The following DOCK1 variants were observed in gnomAD, a reference collection of about 807,000 sequenced individuals.
DOCK1 encodes the protein dedicator of cytokinesis 1, also known as dedicator of cytokinesis protein 1.
Under a neutral mutation model 262.7 loss-of-function variants are expected in DOCK1, and 138 were observed. That is an observed-to-expected ratio of 0.53 (90% confidence interval 0.46 to 0.61). The LOEUF (loss-of-function observed/expected upper bound fraction) is 0.61. DOCK1 is among the 20% of genes least tolerant of loss of function. The pLI is 0.00. For synonymous variants in DOCK1, 866 were observed against 867.4 expected, an observed-to-expected ratio of 1.00 and a Z score of 0.03; for missense variants, 1,908 against 2,370.7, an observed-to-expected ratio of 0.80 and a Z score of 4.05.
At chr10:127,279,690 G>C (rs186583619) in intron 29 of DOCK1, among the ~76,000 whole-genome samples, 59 of 152,200 alleles carry the variant, frequency 3.9e-4, no homozygotes, top group African/African-American at 1.4e-3. Context: ...CAGAACAAAG[G>C]CCCCTCCCAG....
At chr10:127,156,526 TTTTC>T (rs1354379646) in intron 27 of DOCK1, among the ~76,000 whole-genome samples, 1 of 150,254 alleles carries the variant, frequency 6.7e-6, no homozygotes, top group African/African-American at 2.5e-5. Flanking sequence ...TTTACTTTTC[TTTTC>T]TCTTTTTCTT....
chr10:127,429,067 TG>T (rs1287585235), intron 47 of DOCK1, among the ~76,000 whole-genome samples: 1 of 149,430 alleles, frequency 6.7e-6, no homozygotes, highest in Non-Finnish European at 1.5e-5. Flanking sequence ...CTGTGTGGAT[TG>T]GGGTACCATG....
At chr10:127,257,474 T>C (rs2059866282) in intron 29 of DOCK1, 45 bp downstream of exon 29, 2 of 1,527,092 alleles carry the variant, frequency 1.3e-6, no homozygotes, top group Non-Finnish European at 1.8e-6. Flanking sequence ...TGGCTCCCAA[T>C]TCATGTCTGC....
chr10:127,403,248 T>A, intron 39 of DOCK1, 104 bp downstream of exon 39: 1 of 1,177,604 alleles, frequency 8.5e-7, no homozygotes, highest in Non-Finnish European at 1.2e-6. Context: ...CCAGGCACTC[T>A]GGGACCTTGG....
At chr10:126,972,699 C>T (rs1421062301) in intron 2 of DOCK1, among the ~76,000 whole-genome samples, 1 of 152,008 alleles carries the variant, frequency 6.6e-6, no homozygotes, top group Admixed American at 6.6e-5. Flanking sequence ...GTGACCAGCT[C>T]CTGGTAGACT....
At chr10:127,450,670 A>C (rs2070898164) in intron 51 of DOCK1, among the ~76,000 whole-genome samples, 1 of 152,206 alleles carries the variant, frequency 6.6e-6, no homozygotes, top group Admixed American at 6.5e-5. Flanking sequence ...GTCCATCAGC[A>C]AGGGGTTTGC....
chr10:127,031,592 G>A (rs2043242330), intron 16 of DOCK1, 58 bp from the exon 17 acceptor site: 1 of 1,357,622 alleles, frequency 7.4e-7, no homozygotes, highest in Non-Finnish European at 1.0e-6. Flanking sequence ...TTCTTATAAT[G>A]TTATTTTGTC....
chr10:127,228,972 C>T (rs1408691888), intron 27 of DOCK1, among the ~76,000 whole-genome samples: 1 of 152,158 alleles, frequency 6.6e-6, no homozygotes, highest in Non-Finnish European at 1.5e-5. Context: ...GTGGCTCACA[C>T]CTGTAATCCC....
rs902621391 is a variant in DOCK1 at position 127,451,970 on chromosome 10, G to C, written c.*543G>C. 4 of 153,062 alleles carry C rather than the reference G, an allele frequency of 2.6e-5. No individual in the cohort carries two copies. Among genetic ancestry groups the C allele is most frequent in the Non-Finnish European group, 4.4e-5 (3 of 68,546 alleles). 9.5% of individuals were successfully genotyped at this position (153,062 alleles called of 1,614,324 possible). ...GTTCAACCCCTCCAGGGAAGCTCCT[G>C]ATTTCCCCTGCATAATTGAAAATAG... On this transcript the variant is annotated 3_prime_UTR_variant, in exon 52 of 52. Coordinates refer to ENST00000623213, the MANE Select transcript of DOCK1 (RefSeq NM_001290223.2).
intron 4 of DOCK1, among the ~76,000 whole-genome samples, chr10:126,982,470 C>T (rs997350284): frequency 2.0e-5 from 3 of 149,150 alleles, no homozygotes; most frequent in East Asian, 4.6e-4. Flanking sequence ...ATTAAAAGGA[C>T]ATTTCTAGAA....
At chr10:126,921,440 G>A (rs556846955) in intron 1 of DOCK1, among the ~76,000 whole-genome samples, 1 of 152,264 alleles carries the variant, frequency 6.6e-6, no homozygotes, top group East Asian at 1.9e-4. Flanking sequence ...GCCAGTCACA[G>A]AGGGACATAC....
At chr10:126,977,086 C>T (rs2038599042) in intron 2 of DOCK1, among the ~76,000 whole-genome samples, 1 of 152,270 alleles carries the variant, frequency 6.6e-6, no homozygotes, top group African/African-American at 2.4e-5. Context: ...GGAGTGACTT[C>T]AGAATGTTTG....
chr10:127,016,070 C>T (rs879631773), intron 12 of DOCK1: 10 of 152,220 alleles, frequency 6.6e-5, no homozygotes, highest in African/African-American at 2.4e-4. Flanking sequence ...GGACTTCTCC[C>T]GTGAGAACTT....
At chr10:127,324,689 G>A (rs193226341) in intron 29 of DOCK1, among the ~76,000 whole-genome samples, 49 of 152,110 alleles carry the variant, frequency 3.2e-4, no homozygotes, top group African/African-American at 1.1e-3. Flanking sequence ...TCACCACTTT[G>A]CTACCAGGTT....
chr10:126,948,885 G>T (rs1321077170), intron 1 of DOCK1, among the ~76,000 whole-genome samples: 2 of 152,108 alleles, frequency 1.3e-5, no homozygotes, highest in South Asian at 2.1e-4. Flanking sequence ...CTGGCCCAGG[G>T]TAGTACTGGG....
intron 27 of DOCK1, among the ~76,000 whole-genome samples, chr10:127,150,217 C>T (rs907242423): frequency 6.6e-6 from 1 of 152,222 alleles, no homozygotes; most frequent in African/African-American, 2.4e-5. Context: ...AAGGAACTCA[C>T]TGGGTTCTGA....
intron 27 of DOCK1, among the ~76,000 whole-genome samples, chr10:127,187,636 C>G (rs1589843877): frequency 6.6e-6 from 1 of 151,868 alleles, no homozygotes; most frequent in Non-Finnish European, 1.5e-5. Context: ...AAGCATTTTT[C>G]CTTAAGGGCT....
intron 31 of DOCK1, among the ~76,000 whole-genome samples, chr10:127,350,461 G>A (rs937286849): frequency 2.0e-5 from 3 of 152,080 alleles, no homozygotes; most frequent in Non-Finnish European, 2.9e-5. Flanking sequence ...TCCAGATTTC[G>A]TCTCTCCTTC....
chr10:127,448,728 C>A (rs28675047), intron 51 of DOCK1, among the ~76,000 whole-genome samples: 1,526 of 151,966 alleles, frequency 0.01, 31 homozygotes, highest in African/African-American at 0.034. Context: ...ATTATATGGC[C>A]GCAAAACTCC....
Sources: gnomAD v4.1 joint callset for allele counts (sites outside exome capture counted in the v4.1 genomes callset) on GRCh38, gnomAD v4.1.1 for gene constraint, MANE v1.5 for transcripts, NCBI Gene and HGNC (gene_info 2026-07-23, HGNC 2026-07-21) for gene names.